Variants in PXDNL observed in about 807,000 individuals in gnomAD.
PXDNL encodes the protein probable oxidoreductase PXDNL.
PXDNL carries 145 observed loss-of-function variants against 150.8 expected under a neutral mutation model. The ratio of observed to expected loss-of-function variants is 0.96; its 90% CI spans 0.84 to 1.10. The LOEUF (loss-of-function observed/expected upper bound fraction) is 1.10, where lower values mean the gene tolerates loss of function less well. Among genes scored for constraint, PXDNL ranks in the 50% least tolerant of loss-of-function variants. PXDNL has a pLI of 0.00. For missense variants in PXDNL, 2,087 were observed against 1,873.9 expected (o/e 1.11, Z -2.10); for synonymous variants, 757 against 725.7 (o/e 1.04, Z -0.69).
chr8:51,685,551 T>C (rs1585673359), intron 1 of PXDNL, among the ~76,000 whole-genome samples: 1 of 152,336 alleles, frequency 6.6e-6, no homozygotes, highest in Non-Finnish European at 1.5e-5. Context: ...ACTTATTCTC[T>C]GGGTCAGGGC....
intron 8 of PXDNL, among the ~76,000 whole-genome samples, chr8:51,470,926 C>A (rs1810314403): frequency 6.6e-6 from 1 of 151,404 alleles, no homozygotes; most frequent in South Asian, 2.1e-4. Context: ...TAGGCACGGG[C>A]AAAGGCTTCA....
At chr8:51,393,448 T>C (rs990618753) in intron 17 of PXDNL, among the ~76,000 whole-genome samples, 1 of 152,240 alleles carries the variant, frequency 6.6e-6, no homozygotes, top group African/African-American at 2.4e-5. Context: ...TGGTCTGACA[T>C]CAGAGCCTTT....
intron 19 of PXDNL, among the ~76,000 whole-genome samples, chr8:51,353,997 G>A (rs749681465): frequency 3.3e-5 from 5 of 151,992 alleles, no homozygotes; most frequent in South Asian, 2.1e-4. Flanking sequence ...AGCAGTCTTC[G>A]ACTTTCAGTA....
chr8:51,743,900 T>A (rs111414255), intron 1 of PXDNL, among the ~76,000 whole-genome samples: 9,415 of 34,076 alleles, frequency 0.28, 535 homozygotes, highest in Middle Eastern at 0.38. Context: ...CTCTCTCTGC[T>A]GAGAGAGAAA....
chr8:51,549,653 T>G (rs1812439885), intron 4 of PXDNL, among the ~76,000 whole-genome samples: 1 of 152,080 alleles, frequency 6.6e-6, no homozygotes, highest in Admixed American at 6.6e-5. Context: ...TGACACAACT[T>G]ATCAAAACCT....
chr8:51,396,563 C>T (rs918228276), intron 17 of PXDNL, among the ~76,000 whole-genome samples: 1 of 152,144 alleles, frequency 6.6e-6, no homozygotes, highest in Non-Finnish European at 1.5e-5. Flanking sequence ...TCCAGACCAG[C>T]CTGACCAACA....
intron 3 of PXDNL, among the ~76,000 whole-genome samples, chr8:51,569,713 T>C (rs532769140): frequency 3.3e-5 from 5 of 151,982 alleles, no homozygotes; most frequent in South Asian, 4.2e-4. Flanking sequence ...ATTTTAAACA[T>C]TTTGAAAGGA....
intron 20 of PXDNL, among the ~76,000 whole-genome samples, chr8:51,344,995 GT>G (rs1806102036): frequency 6.6e-6 from 1 of 152,092 alleles, no homozygotes; most frequent in African/African-American, 2.4e-5. Flanking sequence ...CCCATATATT[GT>G]TCAAGTTGAC....
At chr8:51,630,491 AACAG>A (rs1170206378) in intron 2 of PXDNL, among the ~76,000 whole-genome samples, 2 of 152,202 alleles carry the variant, frequency 1.3e-5, no homozygotes, top group African/African-American at 2.4e-5. Flanking sequence ...CAACAGAGTA[AACAG>A]ACAGCCTACA....
chr8:51,548,383 T>C (rs964462910), intron 4 of PXDNL, among the ~76,000 whole-genome samples: 1 of 152,160 alleles, frequency 6.6e-6, no homozygotes, highest in African/African-American at 2.4e-5. Flanking sequence ...CCTAGCCACA[T>C]AGTTATCATG....
At chr8:51,729,194 G>A (rs964842367) in intron 1 of PXDNL, among the ~76,000 whole-genome samples, 1 of 152,002 alleles carries the variant, frequency 6.6e-6, no homozygotes, top group African/African-American at 2.4e-5. Context: ...AATTAAAAAC[G>A]CTATGTGAAA....
Position 51,352,503 on chromosome 8 carries a change from C to T in PXDNL, c.3902-6556G>A, listed in dbSNP as rs148127297. 8.6e-3 allele frequency among the ~76,000 whole-genome samples: 1,303 copies of T among 152,254 alleles called. 17 individuals are homozygous for T. Among genetic ancestry groups the T allele is most frequent in the African/African-American group, 0.03 (1,232 of 41,532 alleles). ...GACCATGAGGGTGGTTTCCCCCATG[C>T]TGTTCTCATGATAGTGAGGGGGTTC... On this transcript the variant is annotated intron_variant, in intron 19 of 22. Transcript: ENST00000356297.
chr8:51,798,527 C>T (rs1211288443), intron 1 of PXDNL, among the ~76,000 whole-genome samples: 2 of 152,118 alleles, frequency 1.3e-5, no homozygotes, highest in African/African-American at 4.8e-5. Flanking sequence ...GGGCAAAGGA[C>T]ATGAACAGAC....
intron 17 of PXDNL, among the ~76,000 whole-genome samples, chr8:51,390,427 T>A (rs1807856803): frequency 1.3e-5 from 2 of 152,186 alleles, no homozygotes; most frequent in South Asian, 4.1e-4. Flanking sequence ...AAAAAGCACC[T>A]AGGTAGTATT....
At chr8:51,777,573 C>G (rs1163956779) in intron 1 of PXDNL, among the ~76,000 whole-genome samples, 1 of 152,214 alleles carries the variant, frequency 6.6e-6, no homozygotes, top group Non-Finnish European at 1.5e-5. Context: ...ACCAAGTACA[C>G]AGCCTTCATG....
Position 51,409,303 on chromosome 8 carries a change from C to T in PXDNL, c.2321G>A (p.Arg774His). 6 of 1,422,834 alleles carry T rather than the reference C, an allele frequency of 4.2e-6. No homozygotes were observed. The highest frequency in any genetic ancestry group is 4.6e-6 in the Non-Finnish European group (5 of 1,095,660). 88.1% of individuals were successfully genotyped at this position (1,422,834 alleles called of 1,614,324 possible). A position where few individuals can be genotyped will look rare whatever the true frequency, so the allele number is the denominator to read the frequency against. The change falls in exon 17 of 23, where the codon CGC (arginine) becomes CAC (histidine). Residue 774 changes from arginine (R) to histidine (H), a missense_variant. Arg to His is a conservative substitution (Grantham distance 29, BLOSUM62 0). Transcript: ENST00000356297. The stretch of plus-strand genomic sequence containing the variant: ...CAGCCGGGGCGGCGGGAGGGGCTGG[C>T]GGGAGCCCACAGGAAGGCCGAGCCC... ...PRGLGLPVGS[R>H]QPLPPPRLVA... is the part of the protein sequence containing the mutation.
chr8:51,348,696 G>A (rs1192800120), intron 19 of PXDNL, among the ~76,000 whole-genome samples: 1 of 151,976 alleles, frequency 6.6e-6, no homozygotes, highest in Non-Finnish European at 1.5e-5. Flanking sequence ...ATGTTTTCAA[G>A]CTCTGTTCTT....
chr8:51,799,180 T>C (rs2129262125), intron 1 of PXDNL, among the ~76,000 whole-genome samples: 1 of 152,252 alleles, frequency 6.6e-6, no homozygotes, highest in East Asian at 1.9e-4. Context: ...AAGTGGGAGC[T>C]GAACAATGAG....
intron 6 of PXDNL, among the ~76,000 whole-genome samples, chr8:51,481,402 C>T (rs1002365804): frequency 1.2e-4 from 19 of 152,134 alleles, no homozygotes; most frequent in Middle Eastern, 6.8e-3. Context: ...CAAGAGGTGA[C>T]GAGGCATAAA....
Sources: allele counts gnomAD v4.1 joint callset (sites outside exome capture counted in the v4.1 genomes callset), GRCh38; gene constraint gnomAD v4.1.1; transcripts MANE v1.5; gene names NCBI Gene and HGNC (gene_info 2026-07-23, HGNC 2026-07-21).